STRIP1: variants seen among roughly 807,000 people sequenced by gnomAD.
The protein encoded by STRIP1 is striatin-interacting protein 1.
In STRIP1, 63 loss-of-function variants were observed where a neutral mutation model predicts 106.2. The ratio of observed to expected loss-of-function variants is 0.59; its 90% CI spans 0.48 to 0.73. STRIP1 has a LOEUF of 0.73. Ranked by LOEUF, STRIP1 falls within the 30% of genes least tolerant of loss-of-function variation. The pLI is 0.00. For synonymous variants in STRIP1, 390 were observed against 413.0 expected, an observed-to-expected ratio of 0.94 and a Z score of 0.67; for missense variants, 857 against 1,074.8, an observed-to-expected ratio of 0.80 and a Z score of 2.83.
At chr1:110,036,032 G>T (rs1216881276) in intron 1 of STRIP1, among the ~76,000 whole-genome samples, 1 of 152,166 alleles carries the variant, frequency 6.6e-6, no homozygotes, top group African/African-American at 2.4e-5. Context: ...AAGTGCAGGG[G>T]GGTGAACCTA....
intron 17 of STRIP1, 141 bp from the exon 18 acceptor site, chr1:110,050,202 G>T: frequency 1.4e-6 from 1 of 714,166 alleles, no homozygotes; most frequent in Middle Eastern, 2.8e-4. Flanking sequence ...TGGGGAAACT[G>T]GGGTGGGACA....
chr1:110,044,697 CT>C, intron 10 of STRIP1, 142 bp from the exon 11 acceptor site: 1 of 792,278 alleles, frequency 1.3e-6, no homozygotes, highest in Non-Finnish European at 1.9e-6. Flanking sequence ...AGTTTTTTCC[CT>C]TTTTTCAAAG....
At chr1:110,049,820 C>T in intron 17 of STRIP1, 2 of 442,132 alleles carry the variant, frequency 4.5e-6, no homozygotes, top group Non-Finnish European at 8.0e-6. Context: ...TACTTTCCTC[C>T]CTGTCCCTTC....
intron 10 of STRIP1, among the ~76,000 whole-genome samples, chr1:110,044,477 A>G (rs1652923972): frequency 6.6e-6 from 1 of 152,266 alleles, no homozygotes; most frequent in African/African-American, 2.4e-5. Flanking sequence ...AAAGTGAGCT[A>G]TATGAAAAAT....
chr1:110,049,066 A>T (rs368517350), intron 15 of STRIP1, 46 bp from the exon 16 acceptor site: 9 of 1,611,260 alleles, frequency 5.6e-6, no homozygotes, highest in Non-Finnish European at 6.8e-6. Flanking sequence ...CCTAGAAATG[A>T]GGTACTGCGC....
chr1:110,037,225 A>G (rs1486804128), intron 1 of STRIP1, among the ~76,000 whole-genome samples: 1 of 151,982 alleles, frequency 6.6e-6, no homozygotes, highest in Non-Finnish European at 1.5e-5. Flanking sequence ...TTTGTTTCTC[A>G]CTTCTCTCTT....
Position 110,047,522 on chromosome 1 carries a change from T to C in STRIP1, c.1489-20T>C. Reference sequence around the variant, plus strand: ...GTATTCTGGGCTGGGGTTTTATGCTTGTACTCATTATGTTAAAAGGGAGAA... The same window carrying C: ...GTATTCTGGGCTGGGGTTTTATGCTCGTACTCATTATGTTAAAAGGGAGAA... On this transcript the variant is annotated intron_variant, in intron 13 of 20. Coordinates refer to ENST00000369795, the MANE Select transcript of STRIP1 (RefSeq NM_033088.4). 1.9e-6 allele frequency: 3 copies of C among 1,601,044 alleles called. No homozygotes were observed. The highest frequency in any genetic ancestry group is 2.6e-6 in the Non-Finnish European group (3 of 1,171,618).
intron 1 of STRIP1, among the ~76,000 whole-genome samples, chr1:110,036,668 T>C (rs998823215): frequency 2.0e-5 from 3 of 152,230 alleles, no homozygotes; most frequent in Admixed American, 1.3e-4. Context: ...CACTATGTAC[T>C]ACATAATTTT....
chr1:110,045,535 A>G (rs1223556696), intron 12 of STRIP1: 3 of 154,196 alleles, frequency 1.9e-5, no homozygotes, highest in Non-Finnish European at 4.3e-5. Context: ...TTGAAATTCT[A>G]AAGAGCTCAA....
At chr1:110,031,754 C>T (rs1022843632), upstream of STRIP1, 4 of 152,174 alleles carry the variant, frequency 2.6e-5, no homozygotes, top group Non-Finnish European at 5.9e-5. Flanking sequence ...AGTTTCCTAG[C>T]AAGTTAGAGT....
rs763010378 is a variant in STRIP1, at chr1:110,041,572, C to T, written c.687C>T (p.Thr229=). The change falls in exon 7 of 21, where the codon ACC becomes ACT. Residue 229 remains threonine, a synonymous_variant. Coordinates refer to ENST00000369795, the MANE Select transcript of STRIP1 (RefSeq NM_033088.4). ...LLNIMYLIVE[T]VHQECEGDKA... Reference sequence around the variant, plus strand: ...ACATCATGTACCTGATAGTGGAGACCGTTCATCAGGAGTGTGAGGGTGACA... The same window carrying T: ...ACATCATGTACCTGATAGTGGAGACTGTTCATCAGGAGTGTGAGGGTGACA... 34 of 1,613,980 alleles carry T rather than the reference C, an allele frequency of 2.1e-5. No individual in the cohort carries two copies. Among genetic ancestry groups the T allele is most frequent in the Middle Eastern group, 1.6e-4 (1 of 6,082 alleles).
chr1:110,034,035 A>G (rs1048239064), upstream of STRIP1, among the ~76,000 whole-genome samples: 4 of 152,222 alleles, frequency 2.6e-5, no homozygotes, highest in African/African-American at 9.6e-5. Context: ...GCTCTCTTAC[A>G]TAAAGTCTGC....
At chr1:110,040,001 C>A (rs1014144729) in intron 5 of STRIP1, 2 of 813,822 alleles carry the variant, frequency 2.5e-6, no homozygotes, top group Non-Finnish European at 1.8e-6. Flanking sequence ...TCATTGAGTG[C>A]CTGTGTGTCC....
intron 17 of STRIP1, 65 bp from the exon 18 acceptor site, chr1:110,050,278 C>T (rs772984158): frequency 2.9e-5 from 45 of 1,531,132 alleles, no homozygotes; most frequent in South Asian, 1.9e-4. Flanking sequence ...GGCTCAGGCA[C>T]GGCTGCTCCA....
chr1:110,033,782 C>T (rs896205180), upstream of STRIP1, among the ~76,000 whole-genome samples: 7 of 152,260 alleles, frequency 4.6e-5, no homozygotes, highest in South Asian at 2.1e-4. Flanking sequence ...CCATAGCACT[C>T]GGTATCTGAC....
intron 16 of STRIP1, 56 bp downstream of exon 16, chr1:110,049,294 T>C (rs1653177231): frequency 6.2e-7 from 1 of 1,611,970 alleles, no homozygotes; most frequent in Non-Finnish European, 8.5e-7. Context: ...GCACTGCTGC[T>C]CCTCCAGCCC....
At chr1:110,036,279 C>T (rs1235021654) in intron 1 of STRIP1, among the ~76,000 whole-genome samples, 2 of 152,182 alleles carry the variant, frequency 1.3e-5, no homozygotes, top group African/African-American at 4.8e-5. Context: ...GTGATCAAAC[C>T]CTGTCTCTAC....
intron 5 of STRIP1, chr1:110,039,993 A>C: frequency 5.4e-6 from 5 of 919,006 alleles, no homozygotes; most frequent in Non-Finnish European, 7.7e-6. Context: ...AAGACAGCTC[A>C]TTGAGTGCCT....
intron 9 of STRIP1, 61 bp from the exon 10 acceptor site, chr1:110,043,578 T>A: frequency 1.4e-6 from 2 of 1,444,818 alleles, no homozygotes; most frequent in Middle Eastern, 1.7e-4. Context: ...CTCCTCTGGC[T>A]GCACTTCCCT....
Sources: allele counts gnomAD v4.1 joint callset (sites outside exome capture counted in the v4.1 genomes callset), GRCh38; gene constraint gnomAD v4.1.1; transcripts MANE v1.5; gene names NCBI Gene and HGNC (gene_info 2026-07-23, HGNC 2026-07-21).